HERC2: variants seen among roughly 807,000 people sequenced by gnomAD.
The protein encoded by HERC2 is HECT and RLD domain containing E3 ubiquitin protein ligase 2, also known as E3 ubiquitin-protein ligase HERC2.
In HERC2, 102 loss-of-function variants were observed where a neutral mutation model predicts 537.7. The observed-to-expected ratio is 0.19, with a 90% CI of 0.16 to 0.22. The LOEUF is 0.22. Among genes scored for constraint, HERC2 ranks in the 10% least tolerant of loss-of-function variants. The probability of loss-of-function intolerance (pLI) is 1.00; values close to 1 mark genes in which losing one functional copy is unlikely to be tolerated. For missense variants in HERC2, 4,236 were observed against 6,198.2 expected (o/e 0.68, Z 10.63); for synonymous variants, 2,224 against 2,466.2 (o/e 0.90, Z 2.91).
At chr15:28,142,729 T>A (rs1161591288) in intron 75 of HERC2, 98 bp downstream of exon 75, 17 of 1,380,804 alleles carry the variant, frequency 1.2e-5, no homozygotes, top group Middle Eastern at 2.6e-4. Flanking sequence ...ACAGCTGCCC[T>A]CAGAGGCCTA....
intron 84 of HERC2, 28 bp downstream of exon 84, chr15:28,124,978 C>T: frequency 6.3e-7 from 1 of 1,575,054 alleles, no homozygotes. Context: ...TTGCTTGCCC[C>T]CGACCCACCC....
intron 48 of HERC2, among the ~76,000 whole-genome samples, chr15:28,200,624 T>C (rs1012401250): frequency 7.2e-5 from 11 of 152,184 alleles, no homozygotes; most frequent in African/African-American, 2.7e-4. Context: ...ATCAACCAAA[T>C]GTAGATAAGG....
intron 30 of HERC2, 68 bp from the exon 31 acceptor site, chr15:28,230,568 C>T (rs34668548): frequency 9.2e-7 from 1 of 1,081,946 alleles, no homozygotes; most frequent in Non-Finnish European, 1.4e-6. Context: ...TTAAGAAATA[C>T]TTAGATTTAC....
Position 28,201,856 on chromosome 15 carries a change from AC to A in HERC2, c.7617+256del, listed in dbSNP as rs764013491. Among the ~76,000 whole-genome samples the A allele has an allele frequency of 1.1e-3, 172 of 152,302 alleles. 3 individuals carry two copies. The highest frequency in any genetic ancestry group is 6.8e-3 in the Middle Eastern group (2 of 294). ...TTTAATAAAATATCTTCTAATGGCT[AC>A]CGAAGATCATGAGATGTTTGAACAA... is the stretch of plus-strand genomic sequence containing the variant. On this transcript the variant is annotated intron_variant, in intron 47 of 92. Transcript: ENST00000261609.
At chr15:28,221,688 C>G (rs1900537862) in intron 36 of HERC2, among the ~76,000 whole-genome samples, 1 of 145,052 alleles carries the variant, frequency 6.9e-6, no homozygotes, top group Non-Finnish European at 1.5e-5. Context: ...AGCATCTGGG[C>G]TTCCTGCCTC....
intron 70 of HERC2, among the ~76,000 whole-genome samples, chr15:28,149,550 G>T: frequency 6.6e-6 from 1 of 150,534 alleles, no homozygotes; most frequent in African/African-American, 2.4e-5. Context: ...ACCGAGAATG[G>T]CCACACCAAC....
Position 28,205,128 on chromosome 15 carries a change from G to C in HERC2, c.7212+1112C>G, listed in dbSNP as rs115710012. Among the ~76,000 whole-genome samples the C allele has an allele frequency of 1.4e-3, 217 of 152,110 alleles. 1 individual carries two copies. Among genetic ancestry groups the C allele is most frequent in the African/African-American group, 5.0e-3 (205 of 41,396 alleles). ...ATACGAAAAGCAACCACAGAAAAAA[G>C]ACATTTCATGAAAAAGAAGAGAACA... On this transcript the variant is annotated intron_variant, in intron 45 of 92. Coordinates refer to ENST00000261609, the MANE Select transcript of HERC2 (RefSeq NM_004667.6).
At chr15:28,142,575 T>C (rs1439289222) in intron 75 of HERC2, 182 bp from the exon 76 acceptor site, 5 of 664,568 alleles carry the variant, frequency 7.5e-6, no homozygotes, top group Non-Finnish European at 1.3e-5. Context: ...GCCACACAAC[T>C]GCTGCAACAC....
In HERC2 at chr15:28,256,086, C is replaced by T. The variant is rs1451515271; in HGVS notation, c.2746+3G>A. 5 of 1,603,594 alleles carry T rather than the reference C, an allele frequency of 3.1e-6. No individual in the cohort carries two copies. Among genetic ancestry groups the T allele is most frequent in the Non-Finnish European group, 4.2e-6 (5 of 1,178,872 alleles). On this transcript the variant is annotated splice_donor_region_variant and intron_variant, in intron 18 of 92. Coordinates refer to ENST00000261609, the MANE Select transcript of HERC2 (RefSeq NM_004667.6). Reference sequence around the variant, plus strand: ...CCCTCTCCTGTTCCTTCCCCAGGCCCACCTGCGCAGGGCAGGAGAGCAGAG... The same window carrying T: ...CCCTCTCCTGTTCCTTCCCCAGGCCTACCTGCGCAGGGCAGGAGAGCAGAG...
At chr15:28,173,689 G>A (rs942704541) in intron 65 of HERC2, among the ~76,000 whole-genome samples, 1 of 151,350 alleles carries the variant, frequency 6.6e-6, no homozygotes, top group Non-Finnish European at 1.5e-5. Flanking sequence ...TGTAGTCCCA[G>A]CTATTTGGGA....
chr15:28,118,895 G>A (rs1008247448), intron 86 of HERC2, among the ~76,000 whole-genome samples: 2 of 152,230 alleles, frequency 1.3e-5, no homozygotes, highest in East Asian at 3.8e-4. Context: ...CTGGCACCCG[G>A]GGCCGTGGCT....
At chr15:28,314,171 A>T (rs1309126548) in intron 2 of HERC2, among the ~76,000 whole-genome samples, 1 of 152,232 alleles carries the variant, frequency 6.6e-6, no homozygotes, top group East Asian at 1.9e-4. Flanking sequence ...TCTGAAAGTC[A>T]AGCAAATATA....
Position 28,186,675 on chromosome 15 carries a change from C to G in HERC2, c.8727G>C (p.Leu2909=), listed in dbSNP as rs772602237. 22 of 1,614,040 alleles carry G rather than the reference C, an allele frequency of 1.4e-5. No homozygotes were observed. Among genetic ancestry groups the G allele is most frequent in the Non-Finnish European group, 1.9e-5 (22 of 1,179,924 alleles). The change falls in exon 56 of 93, where the codon CTG becomes CTC. Residue 2909 remains leucine (L), a synonymous_variant. Transcript: ENST00000261609. ...CCTCTTCTGCACGGATCCGTCCCAG[C>G]AGGATGAGACCATGGATTTTACAAT... ...GIDCKIHGLI[L]LGRIRAEEED... is the part of the protein sequence containing the mutation.
rs774610508 is a variant in HERC2, at chr15:28,132,806, G to A, written c.12255C>T (p.Ile4085=). Residue 4085 remains isoleucine, a synonymous_variant, in exon 80 of 93, where the codon ATC becomes ATT. Coordinates refer to ENST00000261609, the MANE Select transcript of HERC2 (RefSeq NM_004667.6). Reference sequence around the variant, plus strand: ...CCACTTCAATTCCTCTCAGAGACTCGATGACACGAGGGCGGTCACACGGAC... The same window carrying A: ...CCACTTCAATTCCTCTCAGAGACTCAATGACACGAGGGCGGTCACACGGAC... ...NRSPCDRPRV[I]ESLRGIEVVD... is the part of the protein sequence containing the mutation. The A allele has an allele frequency of 2.0e-5, 31 of 1,584,576 alleles. No homozygotes were observed. The highest frequency in any genetic ancestry group is 3.6e-5 in the Admixed American group (2 of 55,092).
rs1350555696 is a variant in HERC2, at chr15:28,152,717, G to A, written c.10860C>T (p.Tyr3620=). The change falls in exon 70 of 93, where the codon TAC becomes TAT. Residue 3620 remains tyrosine (Y), a synonymous_variant. Coordinates refer to ENST00000261609, the MANE Select transcript of HERC2 (RefSeq NM_004667.6). ...TGCCACTGGTGGAGGTGTCGTCGGT[G>A]TAAGGGTGGCTACTCTCCACCACCA... The part of the protein sequence containing the change: ...QPVVVESSHP[Y]TDDTSTSGTV... 5 of 1,551,828 alleles carry A rather than the reference G, an allele frequency of 3.2e-6. No individual in the cohort carries two copies. In the African/African-American group the frequency reaches 4.1e-5, roughly 13 times the overall value.
At chr15:28,202,647 GA>G in intron 45 of HERC2, 33 bp from the exon 46 acceptor site, 3 of 515,470 alleles carry the variant, frequency 5.8e-6, no homozygotes, top group Non-Finnish European at 9.9e-6. Context: ...GGAGATTTGG[GA>G]AGTGCCCTCA....
At chr15:28,149,988 G>A (rs1892250850) in intron 70 of HERC2, among the ~76,000 whole-genome samples, 1 of 151,194 alleles carries the variant, frequency 6.6e-6, no homozygotes, top group Non-Finnish European at 1.5e-5. Flanking sequence ...ACATCACCGA[G>A]AACGGCCACA....
chr15:28,171,024 A>T (rs1488192159), intron 65 of HERC2, among the ~76,000 whole-genome samples: 2 of 152,242 alleles, frequency 1.3e-5, no homozygotes, highest in Admixed American at 1.3e-4. Context: ...ACTGCTAATG[A>T]GAATATAAAA....
chr15:28,290,211 T>A (rs1481881512), intron 4 of HERC2, among the ~76,000 whole-genome samples: 1 of 152,170 alleles, frequency 6.6e-6, no homozygotes, highest in Non-Finnish European at 1.5e-5. Context: ...TAACAGTGAA[T>A]AGAACAAGTA....
Sources: allele counts gnomAD v4.1 joint callset (sites outside exome capture counted in the v4.1 genomes callset), GRCh38; gene constraint gnomAD v4.1.1; transcripts MANE v1.5; gene names NCBI Gene and HGNC (gene_info 2026-07-23, HGNC 2026-07-21).